The following LDLRAD3 variants were observed in gnomAD, a reference collection of about 807,000 sequenced individuals.
The protein encoded by LDLRAD3 is low density lipoprotein receptor class A domain containing 3, also known as low-density lipoprotein receptor class A domain-containing protein 3.
In LDLRAD3, 20 loss-of-function variants were observed where a neutral mutation model predicts 29.4. The observed-to-expected ratio is 0.68, with a 90% CI of 0.48 to 0.99. LDLRAD3 has a LOEUF of 0.99. Among genes scored for constraint, LDLRAD3 ranks in the 50% least tolerant of loss-of-function variants. The pLI is 0.00. For synonymous variants in LDLRAD3, 157 were observed against 192.7 expected, an observed-to-expected ratio of 0.81 and a Z score of 1.53; for missense variants, 420 against 454.3, an observed-to-expected ratio of 0.92 and a Z score of 0.69.
intron 1 of LDLRAD3, among the ~76,000 whole-genome samples, chr11:36,033,355 C>A (rs1385447784): frequency 6.6e-6 from 1 of 152,180 alleles, no homozygotes; most frequent in Non-Finnish European, 1.5e-5. Context: ...GGCAGGACCA[C>A]CTGTGTGTAA....
intron 3 of LDLRAD3, among the ~76,000 whole-genome samples, chr11:36,096,454 G>A (rs1298103355): frequency 6.6e-6 from 1 of 152,176 alleles, no homozygotes; most frequent in Non-Finnish European, 1.5e-5. Flanking sequence ...GAATATGGGT[G>A]CCAGCTCAGT....
chr11:36,148,209 T>C (rs1398312778), intron 4 of LDLRAD3, among the ~76,000 whole-genome samples: 1 of 152,148 alleles, frequency 6.6e-6, no homozygotes, highest in Non-Finnish European at 1.5e-5. Context: ...ATTAAATAAA[T>C]GTTATATATC....
intron 1 of LDLRAD3, chr11:35,967,176 T>G (rs1422702004): frequency 5.1e-6 from 1 of 197,446 alleles, no homozygotes; most frequent in Non-Finnish European, 1.1e-5. Context: ...CTTAGTTCCC[T>G]TTCCAGTGCA....
At chr11:36,153,451 G>C (rs183351050) in intron 4 of LDLRAD3, among the ~76,000 whole-genome samples, 1 of 152,096 alleles carries the variant, frequency 6.6e-6, no homozygotes, top group Non-Finnish European at 1.5e-5. Flanking sequence ...AACACAGTTG[G>C]GGGTATCTCT....
chr11:36,164,254 T>C lies in LDLRAD3; in HGVS notation c.455-62831T>C, dbSNP rs1008530787. 3.9e-5 allele frequency among the ~76,000 whole-genome samples: 6 copies of C among 152,226 alleles called. No individual in the cohort carries two copies. In the East Asian group the frequency reaches 1.2e-3, roughly 29 times the overall value. On this transcript the variant is annotated intron_variant, in intron 4 of 5. Transcript: ENST00000315571. ...AGCACATGGGCGTTGGGTTTGCTCATCACAAGCTGCCTGCTGCTGATGCTG... is the reference window on the plus strand; with the variant it reads ...AGCACATGGGCGTTGGGTTTGCTCACCACAAGCTGCCTGCTGCTGATGCTG...
chr11:36,189,674 A>T (rs919104967), intron 4 of LDLRAD3, among the ~76,000 whole-genome samples: 6 of 151,818 alleles, frequency 4.0e-5, no homozygotes, highest in Admixed American at 3.9e-4. Context: ...GGTGTGCTGC[A>T]CCCATTAACT....
chr11:35,950,956 A>G (rs969985069), intron 1 of LDLRAD3, among the ~76,000 whole-genome samples: 6 of 151,986 alleles, frequency 3.9e-5, no homozygotes, highest in Admixed American at 1.3e-4. Flanking sequence ...GGTGGCACGC[A>G]CCTGTAATCC....
rs114541744 is a variant in LDLRAD3, at chr11:36,220,166, T to G, written c.455-6919T>G. Reference sequence around the variant, plus strand: ...ACCACTAAATACCTATTAAGATGGCTAAAATTAAAAAGACTGGTATTACTA... The same window carrying G: ...ACCACTAAATACCTATTAAGATGGCGAAAATTAAAAAGACTGGTATTACTA... On this transcript the variant is annotated intron_variant, in intron 4 of 5. Transcript: ENST00000315571. 8.7e-3 allele frequency among the ~76,000 whole-genome samples: 1,328 copies of G among 152,254 alleles called. 28 individuals carry two copies. The highest frequency in any genetic ancestry group is 0.031 in the African/African-American group (1,287 of 41,542).
At chr11:35,962,705 A>G (rs1488997217) in intron 1 of LDLRAD3, among the ~76,000 whole-genome samples, 2 of 152,212 alleles carry the variant, frequency 1.3e-5, no homozygotes. Context: ...TAAATATGTT[A>G]TATTTGTTTG....
At chr11:36,142,917 G>A (rs1565254044) in intron 4 of LDLRAD3, among the ~76,000 whole-genome samples, 1 of 152,312 alleles carries the variant, frequency 6.6e-6, no homozygotes, top group East Asian at 1.9e-4. Flanking sequence ...CCAGGCTCAT[G>A]GAACCCAGGG....
At chr11:36,085,375 A>G (rs1043499480) in intron 3 of LDLRAD3, among the ~76,000 whole-genome samples, 2 of 142,824 alleles carry the variant, frequency 1.4e-5, no homozygotes, top group Non-Finnish European at 3.0e-5. Flanking sequence ...TTTAGTTTTC[A>G]TCAGTTAGAT....
intron 2 of LDLRAD3, among the ~76,000 whole-genome samples, chr11:36,054,609 G>A (rs1852578536): frequency 6.6e-6 from 1 of 152,214 alleles, no homozygotes; most frequent in African/African-American, 2.4e-5. Context: ...CTCTGCTGAT[G>A]GAAGAACAGA....
chr11:36,116,525 A>C (rs1226780934), intron 4 of LDLRAD3, among the ~76,000 whole-genome samples: 2 of 152,162 alleles, frequency 1.3e-5, no homozygotes, highest in Non-Finnish European at 2.9e-5. Context: ...CTGTATTACA[A>C]ATAACAGAGC....
At chr11:36,059,986 T>A (rs1402267475) in intron 2 of LDLRAD3, among the ~76,000 whole-genome samples, 1 of 152,202 alleles carries the variant, frequency 6.6e-6, no homozygotes, top group African/African-American at 2.4e-5. Flanking sequence ...ACATTTAATC[T>A]CCAAAGTAGT....
At chr11:36,192,439 G>A (rs1266366880) in intron 4 of LDLRAD3, among the ~76,000 whole-genome samples, 1 of 152,176 alleles carries the variant, frequency 6.6e-6, no homozygotes, top group Non-Finnish European at 1.5e-5. Context: ...ACTGCAGGAT[G>A]AGTGGTTTTT....
chr11:35,953,431 C>A (rs191038236), intron 1 of LDLRAD3, among the ~76,000 whole-genome samples: 2 of 152,280 alleles, frequency 1.3e-5, no homozygotes, highest in East Asian at 3.9e-4. Context: ...GAAATGAAAG[C>A]ATAAAGGGTG....
intron 4 of LDLRAD3, among the ~76,000 whole-genome samples, chr11:36,111,357 G>T (rs1853602529): frequency 6.6e-6 from 1 of 152,052 alleles, no homozygotes; most frequent in Non-Finnish European, 1.5e-5. Flanking sequence ...TCCCCCTCCT[G>T]CTTCCAACAA....
At chr11:36,168,486 T>C (rs568394671) in intron 4 of LDLRAD3, among the ~76,000 whole-genome samples, 1 of 142,584 alleles carries the variant, frequency 7.0e-6, no homozygotes, top group Non-Finnish European at 1.5e-5. Flanking sequence ...TTATTCCGTT[T>C]TTTTCTTTCT....
intron 2 of LDLRAD3, among the ~76,000 whole-genome samples, chr11:36,072,086 T>C (rs7126914): frequency 0.15 from 22,966 of 152,226 alleles, 2,097 homozygotes; most frequent in East Asian, 0.35. Flanking sequence ...CCTCATTCGT[T>C]GGGCTCTCTC....
Sources: gnomAD v4.1 joint callset for allele counts (sites outside exome capture counted in the v4.1 genomes callset) on GRCh38, gnomAD v4.1.1 for gene constraint, MANE v1.5 for transcripts, NCBI Gene and HGNC (gene_info 2026-07-23, HGNC 2026-07-21) for gene names.